Variants in UNC45B observed in about 807,000 individuals in gnomAD.
UNC45B encodes unc-45 myosin chaperone B.
In UNC45B, 78 loss-of-function variants were observed where a neutral mutation model predicts 98.7. That is an observed-to-expected ratio of 0.79 (90% CI 0.66 to 0.95). The LOEUF (loss-of-function observed/expected upper bound fraction) is 0.95, where lower values mean the gene tolerates loss of function less well. Ranked by LOEUF, UNC45B falls within the 40% of genes least tolerant of loss-of-function variation. UNC45B has a pLI of 0.00. For synonymous variants in UNC45B, 462 were observed against 480.4 expected, an observed-to-expected ratio of 0.96 and a Z score of 0.50; for missense variants, 1,225 against 1,184.9, an observed-to-expected ratio of 1.03 and a Z score of -0.50.
chr17:35,177,428 C>A, intron 16 of UNC45B, 67 bp from the exon 17 acceptor site: 1 of 1,172,280 alleles, frequency 8.5e-7, no homozygotes, highest in Non-Finnish European at 1.2e-6. Context: ...AGCTGGTCAC[C>A]TATAAATGTG....
At chr17:35,158,590 C>A (rs1438849284) in intron 7 of UNC45B, among the ~76,000 whole-genome samples, 1 of 152,232 alleles carries the variant, frequency 6.6e-6, no homozygotes, top group African/African-American at 2.4e-5. Flanking sequence ...AATTCTTCCA[C>A]ATATTGATTT....
chr17:35,148,203 G>C (rs1295532200), intron 1 of UNC45B, 61 bp from the exon 2 acceptor site: 2 of 1,590,770 alleles, frequency 1.3e-6, no homozygotes, highest in Non-Finnish European at 1.7e-6. Flanking sequence ...CTCAGGCCAG[G>C]AGCCCAGCCC....
At chr17:35,153,836 T>C (rs2092039186) in intron 5 of UNC45B, among the ~76,000 whole-genome samples, 1 of 151,860 alleles carries the variant, frequency 6.6e-6, no homozygotes, top group African/African-American at 2.4e-5. Context: ...GCCCACCTCC[T>C]CCCCTTCCCC....
intron 6 of UNC45B, 114 bp from the exon 7 acceptor site, chr17:35,155,182 G>C: frequency 7.5e-7 from 1 of 1,340,640 alleles, no homozygotes; most frequent in Non-Finnish European, 1.0e-6. Flanking sequence ...TGCCTGGGCT[G>C]ATTTCTCTAC....
At chr17:35,166,253 G>A (rs1417422007) in intron 9 of UNC45B, among the ~76,000 whole-genome samples, 3 of 150,366 alleles carry the variant, frequency 2.0e-5, no homozygotes, top group Non-Finnish European at 4.4e-5. Context: ...GGGCAAGAGC[G>A]TGAGACCCCG....
intron 17 of UNC45B, among the ~76,000 whole-genome samples, chr17:35,179,362 A>G (rs2092257898): frequency 6.6e-6 from 1 of 152,180 alleles, no homozygotes; most frequent in Non-Finnish European, 1.5e-5. Flanking sequence ...AAGGATCTAG[A>G]ACTAGAAATA....
intron 7 of UNC45B, among the ~76,000 whole-genome samples, chr17:35,157,105 G>A (rs937211347): frequency 1.3e-5 from 2 of 151,984 alleles, no homozygotes; most frequent in African/African-American, 2.4e-5. Flanking sequence ...ATCTTCCCTT[G>A]TATGGATTAT....
At chr17:35,172,677 C>T (rs2092196729) in intron 13 of UNC45B, among the ~76,000 whole-genome samples, 1 of 152,180 alleles carries the variant, frequency 6.6e-6, no homozygotes, top group Non-Finnish European at 1.5e-5. Context: ...CCCACCACTC[C>T]TCACTCTGAG....
rs2092315182 is a variant in UNC45B at position 35,188,275 on chromosome 17, A to G, written c.*1716A>G. On this transcript the variant is annotated 3_prime_UTR_variant, in exon 20 of 20. Transcript: ENST00000394570. ...GAAAATATACACAATAAATGGCATG[A>G]TTTGACCTCTGTCAAATTCTTCTTT... is the stretch of plus-strand genomic sequence containing the variant. 6.6e-6 allele frequency: 1 copy of G among 152,178 alleles called. No individual in the cohort carries two copies. The highest frequency in any genetic ancestry group is 1.5e-5 in the Non-Finnish European group (1 of 68,018). 9.4% of individuals were successfully genotyped at this position (152,178 alleles called of 1,614,324 possible). A position where few individuals can be genotyped will look rare whatever the true frequency, so the allele number is the denominator to read the frequency against.
chr17:35,153,485 C>T (rs1249732396), intron 5 of UNC45B, among the ~76,000 whole-genome samples: 1 of 148,852 alleles, frequency 6.7e-6, no homozygotes, highest in African/African-American at 2.5e-5. Context: ...AACTTGTTAC[C>T]TTTTTTTTTT....
chr17:35,183,647 C>A (rs2092287306), intron 19 of UNC45B, 65 bp downstream of exon 19: 2 of 1,407,774 alleles, frequency 1.4e-6, no homozygotes. Flanking sequence ...ACCCACAGAC[C>A]ACACTGGATG....
At chr17:35,150,655 A>G (rs2092010714) in intron 4 of UNC45B, among the ~76,000 whole-genome samples, 2 of 152,150 alleles carry the variant, frequency 1.3e-5, no homozygotes, top group Non-Finnish European at 2.9e-5. Context: ...AGGCTGAGGC[A>G]GGATAATTGT....
At chr17:35,149,081 C>G in intron 3 of UNC45B, 72 bp downstream of exon 3, 1 of 1,567,024 alleles carries the variant, frequency 6.4e-7, no homozygotes, top group East Asian at 2.2e-5. Context: ...AATCTAGTTA[C>G]CATTTTGGGG....
intron 3 of UNC45B, 54 bp from the exon 4 acceptor site, chr17:35,149,994 G>T: frequency 6.6e-7 from 1 of 1,504,608 alleles, no homozygotes; most frequent in Admixed American, 2.1e-5. Context: ...CAGTGGGGCT[G>T]GTGGTCTGTA....
intron 8 of UNC45B, among the ~76,000 whole-genome samples, chr17:35,160,972 C>G (rs1310062894): frequency 6.6e-6 from 1 of 152,236 alleles, no homozygotes; most frequent in Non-Finnish European, 1.5e-5. Context: ...TATTGCACTT[C>G]CCTTGTTTGG....
At chr17:35,181,910 TC>T (rs2092276612) in intron 18 of UNC45B, among the ~76,000 whole-genome samples, 1 of 151,564 alleles carries the variant, frequency 6.6e-6, no homozygotes, top group South Asian at 2.1e-4. Flanking sequence ...AGAGAGTGTG[TC>T]CAAGGAGATG....
rs947711176 is a variant in UNC45B, at chr17:35,188,307, T to G, written c.*1748T>G. The stretch of plus-strand genomic sequence containing the variant: ...CTCTGTCAAATTCTTCTTTCCTGCT[T>G]TCCTCATATGTGGGCTTGAGTGGGT... On this transcript the variant is annotated 3_prime_UTR_variant, in exon 20 of 20. Coordinates refer to ENST00000394570, the MANE Select transcript of UNC45B (RefSeq NM_001267052.2). 6.6e-6 allele frequency: 1 copy of G among 152,206 alleles called. No homozygotes were observed. Among genetic ancestry groups the G allele is most frequent in the Non-Finnish European group, 1.5e-5 (1 of 68,028 alleles). 9.4% of individuals were successfully genotyped at this position (152,206 alleles called of 1,614,324 possible). A position where few individuals can be genotyped will look rare whatever the true frequency, so the allele number is the denominator to read the frequency against.
chr17:35,176,983 T>A (rs765426515), intron 15 of UNC45B, 34 bp from the exon 16 acceptor site: 4 of 1,566,282 alleles, frequency 2.6e-6, no homozygotes. Context: ...TCTGGATGTC[T>A]GTGACTAAGT....
chr17:35,155,316 A>G lies in UNC45B; in HGVS notation c.660A>G (p.Ala220=), dbSNP rs2092051493. Residue 220 remains alanine (A), a synonymous_variant, in exon 7 of 20, where the codon GCA becomes GCG. Transcript: ENST00000394570. The stretch of plus-strand genomic sequence containing the variant: ...TCTAGGCCACAGTGATTCTGCATGC[A>G]GTGCGGATAGACCGAATCTGTAGCC... The part of the protein sequence containing the change: ...HQARATVILH[A]VRIDRICSLM... 6.8e-6 allele frequency: 11 copies of G among 1,614,150 alleles called. No homozygotes were observed. The highest frequency in any genetic ancestry group is 8.5e-6 in the Non-Finnish European group (10 of 1,180,040).
Sources: allele counts gnomAD v4.1 joint callset (sites outside exome capture counted in the v4.1 genomes callset), GRCh38; gene constraint gnomAD v4.1.1; transcripts MANE v1.5; gene names NCBI Gene and HGNC (gene_info 2026-07-23, HGNC 2026-07-21).